Variants in LGR4 observed in about 807,000 individuals in gnomAD.
The protein encoded by LGR4 is leucine-rich repeat-containing G protein-coupled receptor 4.
LGR4 carries 44 observed loss-of-function variants against 84.8 expected under a neutral mutation model. The ratio of observed to expected loss-of-function variants is 0.52; its 90% confidence interval spans 0.41 to 0.67. The LOEUF (loss-of-function observed/expected upper bound fraction) is 0.67, where lower values mean the gene tolerates loss of function less well. Among genes scored for constraint, LGR4 ranks in the 30% least tolerant of loss-of-function variants. The pLI is 0.00. For synonymous variants in LGR4, 429 were observed against 434.3 expected (o/e 0.99, Z 0.15); for missense variants, 1,032 against 1,131.4 (o/e 0.91, Z 1.26).
At chr11:27,448,857 C>T (rs1450587876) in intron 1 of LGR4, among the ~76,000 whole-genome samples, 1 of 152,200 alleles carries the variant, frequency 6.6e-6, no homozygotes, top group Non-Finnish European at 1.5e-5. Context: ...TATTGCCTTT[C>T]ACTTCTACTC....
intron 1 of LGR4, among the ~76,000 whole-genome samples, chr11:27,447,657 T>A (rs541466391): frequency 6.6e-6 from 1 of 152,314 alleles, no homozygotes; most frequent in East Asian, 1.9e-4. Context: ...TGTTTTCACT[T>A]AACTTTGTCA....
chr11:27,436,981 C>CTGTTTGGTT (rs1340814018), intron 1 of LGR4, among the ~76,000 whole-genome samples: 8 of 152,286 alleles, frequency 5.3e-5, no homozygotes, highest in Non-Finnish European at 5.9e-5. Context: ...ATATATCTGT[C>CTGTTTGGTT]TGTTTGGTTA....
intron 1 of LGR4, among the ~76,000 whole-genome samples, chr11:27,470,712 T>C (rs1349448452): frequency 3.9e-4 from 34 of 88,002 alleles, no homozygotes; most frequent in Admixed American, 3.4e-3. Context: ...TTCACTATAC[T>C]GAAAAAAAAA....
Position 27,380,683 on chromosome 11 carries a change from CAA to C in LGR4, c.857_858del (p.Phe286CysfsTer11). The C allele has an allele frequency of 1.9e-6, 3 of 1,603,924 alleles. No individual in the cohort carries two copies. Among genetic ancestry groups the C allele is most frequent in the Non-Finnish European group, 2.6e-6 (3 of 1,172,408 alleles). On this transcript the variant is annotated frameshift_variant, in exon 9 of 18. Coordinates refer to ENST00000379214, the MANE Select transcript of LGR4 (RefSeq NM_018490.5). LOFTEE classifies it high-confidence loss of function. The stretch of plus-strand genomic sequence containing the variant: ...AAATTGTGAAATGCTGAGTTCCCCA[CAA>C]AAGACAGAGGATTATCATACAAATG... Reference protein sequence around the residue: ...TIHLYDNPLSFVGNSAFHNLS... With the variant: ...TIHLYDNPLSXVGNSAFHNLS...
intron 1 of LGR4, among the ~76,000 whole-genome samples, chr11:27,425,575 A>T (rs1235310158): frequency 1.3e-5 from 2 of 152,104 alleles, no homozygotes; most frequent in African/African-American, 4.8e-5. Context: ...ATCCCACCTC[A>T]GCCTCCCAAA....
At chr11:27,372,455 G>T (rs1862905561) in intron 15 of LGR4, 57 bp from the exon 16 acceptor site, 2 of 1,016,698 alleles carry the variant, frequency 2.0e-6, no homozygotes, top group African/African-American at 1.6e-5. Context: ...TTATGGTTTT[G>T]TTTTGTAAAA....
rs746459361 is a variant in LGR4, at chr11:27,412,868, A to G, written c.186-8T>C. 1.3e-6 allele frequency: 2 copies of G among 1,576,098 alleles called. No homozygotes were observed. The highest frequency in any genetic ancestry group is 2.2e-5 in the South Asian group (2 of 90,172). On this transcript the variant is annotated splice_polypyrimidine_tract_variant and splice_region_variant and intron_variant, in intron 1 of 17. Coordinates refer to ENST00000379214, the MANE Select transcript of LGR4 (RefSeq NM_018490.5). ...TTGTTCATACTGATATCCCTGGAAA[A>G]CGTAAAGTTAAGAATATTGTTAATT...
intron 1 of LGR4, among the ~76,000 whole-genome samples, chr11:27,418,168 T>G (rs79797585): frequency 0.017 from 2,613 of 152,348 alleles, 79 homozygotes; most frequent in African/African-American, 0.058. Flanking sequence ...ATTAGTCCAC[T>G]CTATTCTTAA....
At chr11:27,397,254 C>T (rs115615661) in intron 2 of LGR4, among the ~76,000 whole-genome samples, 1,924 of 152,166 alleles carry the variant, frequency 0.013, 42 homozygotes, top group African/African-American at 0.043. Context: ...AAGTAGGGTA[C>T]GCTACCACCG....
At chr11:27,416,475 C>T (rs1003577723) in intron 1 of LGR4, among the ~76,000 whole-genome samples, 2 of 152,268 alleles carry the variant, frequency 1.3e-5, no homozygotes, top group East Asian at 3.9e-4. Context: ...TCCATGTTTT[C>T]GCTGCTCCTG....
intron 15 of LGR4, 64 bp downstream of exon 15, chr11:27,373,487 G>A (rs1431795930): frequency 2.8e-6 from 4 of 1,432,472 alleles, no homozygotes; most frequent in East Asian, 4.8e-5. Flanking sequence ...AAAAAACCAG[G>A]ACACTCTGTA....
intron 2 of LGR4, among the ~76,000 whole-genome samples, chr11:27,407,833 C>T (rs1863640844): frequency 6.6e-6 from 1 of 151,564 alleles, no homozygotes; most frequent in African/African-American, 2.4e-5. Context: ...CTACACACTG[C>T]AATATTTAAA....
chr11:27,454,570 G>A (rs1864539314), intron 1 of LGR4, among the ~76,000 whole-genome samples: 1 of 152,074 alleles, frequency 6.6e-6, no homozygotes, highest in Admixed American at 6.6e-5. Context: ...GACCAGTCTG[G>A]CCAAGATGGT....
At position 27,382,296 on chromosome 11, in the gene LGR4, AGTG is replaced by A. The variant is rs763158767; in HGVS notation, c.690-43_690-41del. 3 of 1,301,594 alleles carry A rather than the reference AGTG, an allele frequency of 2.3e-6. No homozygotes were observed. In the African/African-American group the frequency reaches 4.4e-5, roughly 19 times the overall value. The allele number at this position is 1,301,594 out of a possible 1,614,324, so 80.6% of individuals were successfully genotyped here. On this transcript the variant is annotated intron_variant, in intron 6 of 17. Transcript: ENST00000379214. ...GTGAAAATATATCAAAATATTAAAT[AGTG>A]GTCATAATTCATAAGGCATTTTGTT...
intron 1 of LGR4, among the ~76,000 whole-genome samples, chr11:27,415,081 C>T (rs1863790638): frequency 6.6e-6 from 1 of 152,082 alleles, no homozygotes; most frequent in Non-Finnish European, 1.5e-5. Context: ...TACATTTGGC[C>T]TTAACCAATA....
intron 17 of LGR4, among the ~76,000 whole-genome samples, chr11:27,370,616 C>T (rs1041014592): frequency 2.0e-5 from 3 of 152,194 alleles, no homozygotes; most frequent in Non-Finnish European, 4.4e-5. Context: ...ATTTCATCCC[C>T]ATGGCAGCCC....
intron 1 of LGR4, among the ~76,000 whole-genome samples, chr11:27,434,818 A>G (rs1864180019): frequency 6.6e-6 from 1 of 152,134 alleles, no homozygotes; most frequent in Non-Finnish European, 1.5e-5. Context: ...AACTCCATCA[A>G]TCTAAAGAGG....
At chr11:27,418,269 C>T (rs565712528) in intron 1 of LGR4, among the ~76,000 whole-genome samples, 1 of 152,294 alleles carries the variant, frequency 6.6e-6, no homozygotes, top group Admixed American at 6.5e-5. Context: ...ACAACAAGAA[C>T]AGCTACATGA....
intron 2 of LGR4, 96 bp from the exon 3 acceptor site, chr11:27,392,614 T>C (rs1044838540): frequency 7.0e-6 from 7 of 998,980 alleles, no homozygotes; most frequent in Middle Eastern, 2.4e-4. Flanking sequence ...TAAAACTCTA[T>C]GTTAAACATT....
Sources: gnomAD v4.1 joint callset for allele counts (sites outside exome capture counted in the v4.1 genomes callset) on GRCh38, gnomAD v4.1.1 for gene constraint, MANE v1.5 for transcripts, NCBI Gene and HGNC (gene_info 2026-07-23, HGNC 2026-07-21) for gene names.